Variants in EEFSEC observed in about 807,000 individuals in gnomAD.
EEFSEC encodes the protein eukaryotic elongation factor, selenocysteine-tRNA specific.
A neutral mutation model predicts 42.1 loss-of-function variants in EEFSEC; 43 were observed. The observed-to-expected ratio is 1.02, with a 90% confidence interval of 0.80 to 1.32. The LOEUF (loss-of-function observed/expected upper bound fraction) is 1.32. Among genes scored for constraint, EEFSEC ranks in the 40% most tolerant of loss-of-function variants. The pLI is 0.00. For synonymous variants in EEFSEC, 354 were observed against 339.1 expected, an observed-to-expected ratio of 1.04 and a Z score of -0.48; for missense variants, 745 against 803.6, an observed-to-expected ratio of 0.93 and a Z score of 0.88.
At position 128,153,839 on chromosome 3, in the gene EEFSEC, G is replaced by A; in HGVS notation, c.316+16G>A. On this transcript the variant is annotated intron_variant, in intron 1 of 6. Transcript: ENST00000254730. Reference sequence around the variant, plus strand: ...ATCATCGGCGGTGAGCGCGGGCCGGGGCGGGAGCCGGGCTCAGGGACGCGG... The same window carrying A: ...ATCATCGGCGGTGAGCGCGGGCCGGAGCGGGAGCCGGGCTCAGGGACGCGG... 6.7e-7 allele frequency: 1 copy of A among 1,495,350 alleles called. No homozygotes were observed. The highest frequency in any genetic ancestry group is 8.8e-7 in the Non-Finnish European group (1 of 1,130,466). 92.6% of individuals were successfully genotyped at this position (1,495,350 alleles called of 1,614,324 possible).
At chr3:128,257,229 G>A (rs2066250128) in intron 2 of EEFSEC, among the ~76,000 whole-genome samples, 1 of 152,128 alleles carries the variant, frequency 6.6e-6, no homozygotes, top group East Asian at 1.9e-4. Context: ...CTAAGTTTTT[G>A]CGGTTTTCTC....
At chr3:128,160,588 G>C (rs2065174334) in intron 1 of EEFSEC, among the ~76,000 whole-genome samples, 1 of 152,198 alleles carries the variant, frequency 6.6e-6, no homozygotes, top group Non-Finnish European at 1.5e-5. Context: ...AGCAGGTGTG[G>C]TTTTCTCTAG....
chr3:128,236,982 T>C (rs2066019051), intron 1 of EEFSEC, among the ~76,000 whole-genome samples: 1 of 152,282 alleles, frequency 6.6e-6, no homozygotes, highest in South Asian at 2.1e-4. Context: ...GACTGTTGTC[T>C]GTCTGGCCTC....
At chr3:128,170,710 A>G (rs771574193) in intron 1 of EEFSEC, among the ~76,000 whole-genome samples, 8 of 152,218 alleles carry the variant, frequency 5.3e-5, no homozygotes, top group Non-Finnish European at 7.3e-5. Context: ...AGAATCAAAT[A>G]GAATCTCTTT....
At chr3:128,346,529 C>A (rs1325009418) in intron 5 of EEFSEC, among the ~76,000 whole-genome samples, 1 of 152,270 alleles carries the variant, frequency 6.6e-6, no homozygotes, top group East Asian at 1.9e-4. Flanking sequence ...CAGTACTTTG[C>A]CATGTAATGT....
At chr3:128,273,823 G>A (rs990540299) in intron 4 of EEFSEC, among the ~76,000 whole-genome samples, 14 of 152,216 alleles carry the variant, frequency 9.2e-5, no homozygotes, top group Admixed American at 5.2e-4. Flanking sequence ...TAAGGAAGGG[G>A]ACAGGCAGGA....
At chr3:128,284,227 G>C (rs1005880480) in intron 4 of EEFSEC, among the ~76,000 whole-genome samples, 4 of 152,116 alleles carry the variant, frequency 2.6e-5, no homozygotes, top group Non-Finnish European at 4.4e-5. Flanking sequence ...TCTGAGTTTG[G>C]GAATCTTTCT....
chr3:128,365,899 C>T (rs1030842695), intron 6 of EEFSEC, among the ~76,000 whole-genome samples: 2 of 152,240 alleles, frequency 1.3e-5, no homozygotes, highest in African/African-American at 4.8e-5. Context: ...CCAGATGCCC[C>T]GCTTTGCCTC....
chr3:128,292,426 C>T (rs1183471344), intron 4 of EEFSEC, among the ~76,000 whole-genome samples: 1 of 151,634 alleles, frequency 6.6e-6, no homozygotes, highest in African/African-American at 2.4e-5. Context: ...GAATAATTCG[C>T]CAATGAAGCT....
intron 4 of EEFSEC, among the ~76,000 whole-genome samples, chr3:128,328,482 A>T (rs1245635642): frequency 1.3e-5 from 2 of 152,190 alleles, no homozygotes; most frequent in African/African-American, 2.4e-5. Flanking sequence ...CCGTAAGCCC[A>T]TTGCATGCCT....
chr3:128,386,910 T>TG (rs878923507), intron 6 of EEFSEC, among the ~76,000 whole-genome samples: 1 of 152,122 alleles, frequency 6.6e-6, no homozygotes. Flanking sequence ...CCTCCAACAC[T>TG]GGGGGTCACA....
At chr3:128,209,634 C>T (rs966127837) in intron 1 of EEFSEC, among the ~76,000 whole-genome samples, 9 of 152,196 alleles carry the variant, frequency 5.9e-5, no homozygotes, top group African/African-American at 2.2e-4. Flanking sequence ...TTTTGCATCA[C>T]TAAGGCAAGT....
the EEFSEC span, among the ~76,000 whole-genome samples, chr3:128,424,988 G>T: frequency 6.6e-6 from 1 of 152,154 alleles, no homozygotes; most frequent in African/African-American, 2.4e-5. Context: ...AGGTAGGACT[G>T]GTCAACTCCA....
chr3:128,350,538 T>C (rs1179086359), intron 5 of EEFSEC, among the ~76,000 whole-genome samples: 1 of 152,256 alleles, frequency 6.6e-6, no homozygotes, highest in East Asian at 1.9e-4. Flanking sequence ...ATGGCTGCCC[T>C]GGTATTCTGG....
At chr3:128,269,643 C>T (rs954034748) in intron 4 of EEFSEC, among the ~76,000 whole-genome samples, 1 of 152,228 alleles carries the variant, frequency 6.6e-6, no homozygotes, top group Non-Finnish European at 1.5e-5. Context: ...CCTGCGGAGC[C>T]TGCCATACCC....
intron 1 of EEFSEC, among the ~76,000 whole-genome samples, chr3:128,243,776 TG>T (rs1397018556): frequency 6.7e-6 from 1 of 149,902 alleles, no homozygotes; most frequent in East Asian, 2.0e-4. Flanking sequence ...GGAGAGTTGA[TG>T]GGGGGAGGGG....
intron 4 of EEFSEC, among the ~76,000 whole-genome samples, chr3:128,301,172 G>C (rs1304087169): frequency 2.0e-5 from 3 of 152,154 alleles, no homozygotes; most frequent in East Asian, 1.9e-4. Flanking sequence ...ATGCTTTAAA[G>C]GGGTCTTTGC....
intron 2 of EEFSEC, among the ~76,000 whole-genome samples, chr3:128,254,411 A>C (rs2066221061): frequency 6.6e-6 from 1 of 152,156 alleles, no homozygotes; most frequent in Non-Finnish European, 1.5e-5. Flanking sequence ...TCCACACGGC[A>C]CTTTTACACA....
At chr3:128,200,952 T>A (rs1186369959) in intron 1 of EEFSEC, among the ~76,000 whole-genome samples, 2 of 152,150 alleles carry the variant, frequency 1.3e-5, no homozygotes, top group African/African-American at 4.8e-5. Context: ...TGCTGTTGAT[T>A]ATGTAGTTAA....
Sources: allele counts gnomAD v4.1 joint callset (sites outside exome capture counted in the v4.1 genomes callset), GRCh38; gene constraint gnomAD v4.1.1; transcripts MANE v1.5; gene names NCBI Gene and HGNC (gene_info 2026-07-23, HGNC 2026-07-21).